The following CFAP20DC variants were observed in gnomAD, a reference collection of about 807,000 sequenced individuals.
The protein encoded by CFAP20DC is protein CFAP20DC.
A neutral mutation model predicts 101.7 loss-of-function variants in CFAP20DC; 84 were observed. That is an observed-to-expected ratio of 0.83 (90% CI 0.69 to 0.99). The LOEUF (loss-of-function observed/expected upper bound fraction) is 0.99. CFAP20DC is among the 50% of genes least tolerant of loss of function. CFAP20DC has a pLI of 0.00. For synonymous variants in CFAP20DC, 359 were observed against 351.2 expected, an observed-to-expected ratio of 1.02 and a Z score of -0.25; for missense variants, 1,007 against 970.3, an observed-to-expected ratio of 1.04 and a Z score of -0.50.
intron 5 of CFAP20DC, among the ~76,000 whole-genome samples, chr3:58,930,816 C>T (rs536489854): frequency 2.0e-4 from 30 of 152,268 alleles, no homozygotes; most frequent in East Asian, 1.4e-3. Flanking sequence ...GGAACAGCTC[C>T]GGTCTACAGC....
chr3:59,045,984 A>G (rs947226154), intron 3 of CFAP20DC, among the ~76,000 whole-genome samples: 1 of 152,106 alleles, frequency 6.6e-6, no homozygotes, highest in African/African-American at 2.4e-5. Flanking sequence ...TGGCTGCCAA[A>G]TACTCTTCTA....
At chr3:58,800,701 A>T (rs1457233577) in intron 15 of CFAP20DC, among the ~76,000 whole-genome samples, 1 of 152,144 alleles carries the variant, frequency 6.6e-6, no homozygotes, top group Non-Finnish European at 1.5e-5. Context: ...GTGCCTATGG[A>T]TCTTTGCATC....
chr3:58,818,164 C>T lies in CFAP20DC; in HGVS notation c.2176-11708G>A, dbSNP rs1291767286. Reference sequence around the variant, plus strand: ...AGCGCTAAACATGGAAAGGAACAACCGGTACCAGCCGCTGCAAAATCATGC... The same window carrying T: ...AGCGCTAAACATGGAAAGGAACAACTGGTACCAGCCGCTGCAAAATCATGC... On this transcript the variant is annotated intron_variant, in intron 14 of 16. Coordinates refer to ENST00000482387, the MANE Select transcript of CFAP20DC (RefSeq NM_001394063.1). Among the ~76,000 whole-genome samples the T allele has an allele frequency of 2.7e-3, 403 of 151,462 alleles. 3 individuals are homozygous for T. Among genetic ancestry groups the T allele is most frequent in the African/African-American group, 8.7e-3 (359 of 41,232 alleles).
At chr3:59,011,367 CAGCCTGGGTGACAG>C (rs2093578982) in intron 4 of CFAP20DC, among the ~76,000 whole-genome samples, 1 of 149,682 alleles carries the variant, frequency 6.7e-6, no homozygotes, top group Non-Finnish European at 1.5e-5. Context: ...CACTACACTC[CAGCCTGGGTGACAG>C]AGCAAGGCTC....
At chr3:58,785,488 TTC>T (rs2072249282) in intron 15 of CFAP20DC, among the ~76,000 whole-genome samples, 1 of 152,106 alleles carries the variant, frequency 6.6e-6, no homozygotes, top group Non-Finnish European at 1.5e-5. Context: ...ACCCCAAATA[TTC>T]TGTCTTGGTC....
intron 13 of CFAP20DC, among the ~76,000 whole-genome samples, chr3:58,843,036 A>C (rs1274225863): frequency 2.0e-5 from 3 of 152,220 alleles, no homozygotes; most frequent in South Asian, 2.1e-4. Context: ...CAAAGACCAA[A>C]AGTAGATAAA....
chr3:58,989,938 A>G (rs894624855), intron 4 of CFAP20DC, among the ~76,000 whole-genome samples: 12 of 152,222 alleles, frequency 7.9e-5, no homozygotes, highest in African/African-American at 2.7e-4. Flanking sequence ...CAAGAGTTTC[A>G]AAAGAGTCAA....
At chr3:58,939,892 G>A (rs1383899418) in intron 4 of CFAP20DC, among the ~76,000 whole-genome samples, 1 of 150,590 alleles carries the variant, frequency 6.6e-6, no homozygotes, top group East Asian at 2.0e-4. Context: ...TGAGCCTCCT[G>A]AGTAGCTGGG....
chr3:58,884,464 G>C, intron 7 of CFAP20DC, 81 bp downstream of exon 7: 2 of 1,308,840 alleles, frequency 1.5e-6, no homozygotes, highest in Non-Finnish European at 2.2e-6. Context: ...ATGAGGTACA[G>C]TGCCCTTTTT....
chr3:58,760,545 G>T (rs891672637), intron 15 of CFAP20DC, among the ~76,000 whole-genome samples: 2 of 151,950 alleles, frequency 1.3e-5, no homozygotes, highest in Admixed American at 6.6e-5. Context: ...CTGCCTGATT[G>T]CCCTGGCCAG....
intron 13 of CFAP20DC, among the ~76,000 whole-genome samples, chr3:58,845,594 A>T (rs1376111696): frequency 1.3e-5 from 2 of 152,112 alleles, no homozygotes; most frequent in Non-Finnish European, 2.9e-5. Flanking sequence ...ACAAGGAGGA[A>T]CTGGTACCTT....
intron 15 of CFAP20DC, among the ~76,000 whole-genome samples, chr3:58,777,792 A>T (rs377193374): frequency 1.3e-5 from 2 of 152,142 alleles, no homozygotes; most frequent in African/African-American, 4.8e-5. Flanking sequence ...GAGCCTGTTG[A>T]CCCTTGAGGG....
chr3:58,916,490 A>T (rs1296145138), intron 5 of CFAP20DC, among the ~76,000 whole-genome samples: 1 of 152,130 alleles, frequency 6.6e-6, no homozygotes, highest in African/African-American at 2.4e-5. Context: ...TACTAAACAA[A>T]TAAGGGTATG....
intron 6 of CFAP20DC, among the ~76,000 whole-genome samples, chr3:58,893,949 C>T (rs554002373): frequency 1.1e-4 from 17 of 152,246 alleles, no homozygotes; most frequent in African/African-American, 3.9e-4. Flanking sequence ...GAGCAAGTCA[C>T]CTGTTACATG....
At chr3:58,986,397 T>C (rs907746943) in intron 4 of CFAP20DC, among the ~76,000 whole-genome samples, 1 of 152,014 alleles carries the variant, frequency 6.6e-6, no homozygotes, top group African/African-American at 2.4e-5. Context: ...AGTGAGACAG[T>C]AGATGTGGCC....
chr3:59,030,815 G>A (rs901371247), intron 4 of CFAP20DC, among the ~76,000 whole-genome samples: 4 of 148,146 alleles, frequency 2.7e-5, no homozygotes, highest in Non-Finnish European at 4.4e-5. Context: ...GTTTTTTTTT[G>A]TTTTTGTTTT....
chr3:58,996,022 C>CTATCT (rs1255892199), intron 4 of CFAP20DC, among the ~76,000 whole-genome samples: 2 of 150,482 alleles, frequency 1.3e-5, no homozygotes, highest in African/African-American at 4.9e-5. Flanking sequence ...ATCTATCTAT[C>CTATCT]TATTGTTTCT....
At position 59,015,092 on chromosome 3, in the gene CFAP20DC, G is replaced by A. The variant is rs1038918260; in HGVS notation, c.278+24465C>T. 1.5e-4 allele frequency among the ~76,000 whole-genome samples: 23 copies of A among 152,148 alleles called. No individual in the cohort carries two copies. Among genetic ancestry groups the A allele is most frequent in the African/African-American group, 5.6e-4 (23 of 41,432 alleles). On this transcript the variant is annotated intron_variant, in intron 4 of 16. Coordinates refer to ENST00000482387, the MANE Select transcript of CFAP20DC (RefSeq NM_001394063.1). This position sits in a 1 kb window ranked among gnomAD's most constrained non-coding sequence, Gnocchi z 5.4. Reference sequence around the variant, plus strand: ...GGAGTAGTGACAATGAAGGGACTAAGGGCTGAAGAGCCTAAGGTTGAGTTC... The same window carrying A: ...GGAGTAGTGACAATGAAGGGACTAAAGGCTGAAGAGCCTAAGGTTGAGTTC...
chr3:58,965,048 A>G (rs2091430094), intron 4 of CFAP20DC, among the ~76,000 whole-genome samples: 1 of 152,138 alleles, frequency 6.6e-6, no homozygotes, highest in Non-Finnish European at 1.5e-5. Flanking sequence ...TATGCTCTTT[A>G]TCTGTGAAAT....
Sources: gnomAD v4.1 joint callset for allele counts (sites outside exome capture counted in the v4.1 genomes callset) on GRCh38, gnomAD v4.1.1 for gene constraint, Gnocchi (gnomAD v3.1) non-coding constraint, MANE v1.5 for transcripts, NCBI Gene and HGNC (gene_info 2026-07-23, HGNC 2026-07-21) for gene names.